SPATA13: variants seen among roughly 807,000 people sequenced by gnomAD.
SPATA13 encodes the protein spermatogenesis-associated protein 13.
SPATA13 carries 50 observed loss-of-function variants against 104.0 expected under a neutral mutation model. That is an observed-to-expected ratio of 0.48 (90% CI 0.38 to 0.61). The LOEUF (loss-of-function observed/expected upper bound fraction) is 0.61, where lower values mean the gene tolerates loss of function less well. Among genes scored for constraint, SPATA13 ranks in the 20% least tolerant of loss-of-function variants. The pLI, the probability that SPATA13 is intolerant of heterozygous loss-of-function variation, is 0.00. For synonymous variants in SPATA13, 606 were observed against 667.5 expected (o/e 0.91, Z 1.42); for missense variants, 1,524 against 1,690.6 (o/e 0.90, Z 1.73).
chr13:24,124,980 T>C (rs1923909), intron 3 of SPATA13, among the ~76,000 whole-genome samples: 28,872 of 152,192 alleles, frequency 0.19, 4,343 homozygotes, highest in African/African-American at 0.4. Context: ...AACTCATTCA[T>C]AGGGTCAGAG....
chr13:24,207,857 T>A (rs1331630331), intron 1 of SPATA13, among the ~76,000 whole-genome samples: 1 of 152,192 alleles, frequency 6.6e-6, no homozygotes, highest in African/African-American at 2.4e-5. Context: ...CTGGTGTAGG[T>A]GGTGGCCCTG....
intron 8 of SPATA13, 56 bp from the exon 9 acceptor site, chr13:24,290,594 CTT>C: frequency 7.6e-7 from 1 of 1,324,370 alleles, no homozygotes; most frequent in Admixed American, 1.7e-5. Context: ...TGATGCCTGT[CTT>C]TGTCATGTCC....
chr13:24,037,934 T>C (rs545353257), intron 3 of SPATA13, among the ~76,000 whole-genome samples: 12 of 152,086 alleles, frequency 7.9e-5, no homozygotes, highest in Admixed American at 2.0e-4. Flanking sequence ...TTTTTTGAAA[T>C]GGAGTCTCGC....
chr13:24,037,049 C>T (rs1177168155), intron 3 of SPATA13, among the ~76,000 whole-genome samples: 1 of 151,972 alleles, frequency 6.6e-6, no homozygotes, highest in African/African-American at 2.4e-5. Context: ...GCTGGGATTA[C>T]AGGCATGAGC....
intron 1 of SPATA13, among the ~76,000 whole-genome samples, chr13:24,181,642 TG>T (rs1265768524): frequency 1.3e-5 from 2 of 152,164 alleles, no homozygotes; most frequent in Non-Finnish European, 2.9e-5. Flanking sequence ...ATCCACATCT[TG>T]TCCCACTAGA....
At chr13:24,240,997 T>A (rs1872806007) in intron 2 of SPATA13, among the ~76,000 whole-genome samples, 1 of 151,922 alleles carries the variant, frequency 6.6e-6, no homozygotes, top group African/African-American at 2.4e-5. Flanking sequence ...TTTTTTTGTT[T>A]TTTGGAGACT....
rs970432743 is a variant in SPATA13, at chr13:24,224,093, C to A, written c.1164C>A (p.Thr388=). ...AVMHGTTATC[T]VAPGFGSATS... ...TGCATGGGACCACTGCAACCTGCAC[C>A]GTGGCCCCCGGTTTCGGCTCAGCCA... Residue 388 remains threonine (T), a synonymous_variant, in exon 2 of 13, where the codon ACC becomes ACA. Coordinates refer to ENST00000382108, the MANE Select transcript of SPATA13 (RefSeq NM_001166271.3). 2.6e-6 allele frequency: 4 copies of A among 1,551,236 alleles called. No individual in the cohort carries two copies. The highest frequency in any genetic ancestry group is 1.2e-5 in the South Asian group (1 of 84,056).
intron 9 of SPATA13, among the ~76,000 whole-genome samples, chr13:24,293,043 C>T (rs1316697393): frequency 7.0e-6 from 1 of 143,168 alleles, no homozygotes; most frequent in Non-Finnish European, 1.5e-5. Flanking sequence ...TGGGGAGAGC[C>T]TTCTTACAAT....
At position 24,222,037 on chromosome 13, in the gene SPATA13, G is replaced by T. The variant is rs2004641; in HGVS notation, c.-111-782G>T. Among the ~76,000 whole-genome samples, 125 of 152,020 alleles carry T rather than the reference G, an allele frequency of 8.2e-4. 1 individual carries two copies. Among genetic ancestry groups the T allele is most frequent in the Admixed American group, 2.6e-3 (39 of 15,270 alleles). ...GATATTGGCCAGGCTGGTCTCGAACGTCTGACCTCAGGTGATCCACGTGCC... is the reference window on the plus strand; with the variant it reads ...GATATTGGCCAGGCTGGTCTCGAACTTCTGACCTCAGGTGATCCACGTGCC... On this transcript the variant is annotated intron_variant, in intron 1 of 12. Transcript: ENST00000382108.
At chr13:24,025,188 TTTTG>T (rs60487326) in intron 3 of SPATA13, among the ~76,000 whole-genome samples, 80,860 of 151,076 alleles carry the variant, frequency 0.54, 21,768 homozygotes, top group Middle Eastern at 0.57. Flanking sequence ...ATTTTCCTAT[TTTTG>T]TTTATTTCCT....
intron 3 of SPATA13, among the ~76,000 whole-genome samples, chr13:24,135,661 G>A (rs1329953522): frequency 2.2e-5 from 3 of 135,030 alleles, no homozygotes; most frequent in Non-Finnish European, 4.5e-5. Context: ...TCCCACCACT[G>A]CACTCCTGCC....
intron 3 of SPATA13, chr13:24,123,886 C>T: frequency 3.0e-6 from 2 of 661,606 alleles, no homozygotes; most frequent in South Asian, 1.8e-5. Context: ...TAAAACTCCT[C>T]CACCCAGAGA....
intron 2 of SPATA13, among the ~76,000 whole-genome samples, chr13:24,003,516 G>C (rs771449772): frequency 6.6e-6 from 1 of 152,170 alleles, no homozygotes; most frequent in Non-Finnish European, 1.5e-5. Context: ...GCATGTAAAG[G>C]CTTTAAGATA....
chr13:24,286,424 A>C lies in SPATA13; in HGVS notation c.2481+31A>C. On this transcript the variant is annotated intron_variant, in intron 6 of 12. Transcript: ENST00000382108. This position sits in a 1 kb window ranked among gnomAD's most constrained non-coding sequence, Gnocchi z 4.9. ...TGTGGGGTGCTTGCAGCTTTTCCAA[A>C]GTACCTGGGGGAGCTGCAGGATCCT... The C allele has an allele frequency of 1.2e-6, 2 of 1,600,380 alleles. No homozygotes were observed. Among genetic ancestry groups the C allele is most frequent in the Non-Finnish European group, 8.5e-7 (1 of 1,173,354 alleles).
intron 2 of SPATA13, among the ~76,000 whole-genome samples, chr13:24,002,901 C>T (rs1876044934): frequency 6.6e-6 from 1 of 152,166 alleles, no homozygotes; most frequent in South Asian, 2.1e-4. Flanking sequence ...CTATTGGAAC[C>T]TTCGCTTCTG....
intron 3 of SPATA13, among the ~76,000 whole-genome samples, chr13:24,142,181 C>T (rs1370727211): frequency 6.6e-6 from 1 of 151,570 alleles, no homozygotes; most frequent in African/African-American, 2.4e-5. Context: ...CCCAGTGCCC[C>T]CCTCCCCCGC....
rs762003351 is a variant in SPATA13, at chr13:24,223,496, G to T, written c.567G>T (p.Thr189=). The change falls in exon 2 of 13, where the codon ACG becomes ACT. Residue 189 remains threonine (T), a synonymous_variant. Transcript: ENST00000382108. The part of the protein sequence containing the change: ...GTLDGSDLED[T]DDAFQRSTHR... ...TGGATGGCTCCGACCTCGAGGACAC[G>T]GACGATGCCTTCCAGCGGAGCACAC... is the stretch of plus-strand genomic sequence containing the variant. 14 of 1,548,498 alleles carry T rather than the reference G, an allele frequency of 9.0e-6. No individual in the cohort carries two copies. In the East Asian group the frequency reaches 3.4e-4, roughly 38 times the overall value.
rs189902080 is a variant in SPATA13 at position 24,278,386 on chromosome 13, A to G, written c.2165-5749A>G. On this transcript the variant is annotated intron_variant, in intron 4 of 12. Coordinates refer to ENST00000382108, the MANE Select transcript of SPATA13 (RefSeq NM_001166271.3). The stretch of plus-strand genomic sequence containing the variant: ...GAGCCGGTTCATCTCCACAGCTTAA[A>G]TCAGTGCCTAGCACATTATAGGCAC... Among the ~76,000 whole-genome samples, 29 of 152,266 alleles carry G rather than the reference A, an allele frequency of 1.9e-4. No individual in the cohort carries two copies. In the East Asian group the frequency reaches 5.4e-3, roughly 28 times the overall value.
intron 3 of SPATA13, among the ~76,000 whole-genome samples, chr13:24,154,222 A>AT (rs915945128): frequency 4.6e-5 from 7 of 152,258 alleles, no homozygotes; most frequent in Non-Finnish European, 8.8e-5. Context: ...CAAGAGTGTG[A>AT]TTTTTTTTCC....
Sources: allele counts gnomAD v4.1 joint callset (sites outside exome capture counted in the v4.1 genomes callset), GRCh38; gene constraint gnomAD v4.1.1; non-coding constraint Gnocchi (gnomAD v3.1); transcripts MANE v1.5; gene names NCBI Gene and HGNC (gene_info 2026-07-23, HGNC 2026-07-21).